The following NUGGC variants were observed in gnomAD, a reference collection of about 807,000 sequenced individuals.
NUGGC encodes the protein nuclear GTPase SLIP-GC.
A neutral mutation model predicts 92.6 loss-of-function variants in NUGGC; 58 were observed. The ratio of observed to expected loss-of-function variants is 0.63; its 90% confidence interval spans 0.51 to 0.78. The LOEUF (loss-of-function observed/expected upper bound fraction) is 0.78. Among genes scored for constraint, NUGGC ranks in the 30% least tolerant of loss-of-function variants. The pLI, the probability that NUGGC is intolerant of heterozygous loss-of-function variation, is 0.00. For missense variants in NUGGC, 925 were observed against 964.6 expected (o/e 0.96, Z 0.54); for synonymous variants, 376 against 366.4 (o/e 1.03, Z -0.30).
chr8:28,078,394 G>A (rs1221270337), intron 1 of NUGGC, among the ~76,000 whole-genome samples: 1 of 152,178 alleles, frequency 6.6e-6, no homozygotes, highest in Non-Finnish European at 1.5e-5. Flanking sequence ...AAACAAATGG[G>A]GGTAGTTTGG....
chr8:28,060,861 C>T (rs971185421), intron 7 of NUGGC, among the ~76,000 whole-genome samples: 2 of 152,194 alleles, frequency 1.3e-5, no homozygotes, highest in African/African-American at 2.4e-5. Context: ...TTGGGCTGGC[C>T]TCTGCATCCT....
At chr8:28,027,877 A>G (rs1340122892) in intron 17 of NUGGC, among the ~76,000 whole-genome samples, 2 of 152,214 alleles carry the variant, frequency 1.3e-5, no homozygotes, top group African/African-American at 4.8e-5. Flanking sequence ...CACATTATCG[A>G]TCAATATATC....
intron 3 of NUGGC, 170 bp downstream of exon 3, chr8:28,070,082 C>A (rs1205921121): frequency 2.0e-6 from 2 of 984,684 alleles, no homozygotes; most frequent in Admixed American, 1.2e-4. Context: ...TGCCTGGAGA[C>A]AAATTGCCTA....
At chr8:28,030,227 T>C in intron 16 of NUGGC, 83 bp downstream of exon 16, 1 of 765,140 alleles carries the variant, frequency 1.3e-6, no homozygotes, top group South Asian at 1.5e-5. Context: ...ACAGGGCCTT[T>C]GAGGGAGCCG....
At chr8:28,067,380 T>C in intron 6 of NUGGC, 134 bp downstream of exon 6, 1 of 654,868 alleles carries the variant, frequency 1.5e-6, no homozygotes, top group Non-Finnish European at 2.7e-6. Context: ...GGGCTACGGA[T>C]ACTTCTAATT....
intron 7 of NUGGC, among the ~76,000 whole-genome samples, chr8:28,064,056 T>C (rs1040869520): frequency 2.0e-5 from 3 of 152,174 alleles, no homozygotes; most frequent in Admixed American, 2.0e-4. Context: ...ACGGACCCCA[T>C]GCTCCTTCTC....
In NUGGC at chr8:28,047,521, G is replaced by T; in HGVS notation, c.1298C>A (p.Thr433Asn). ...ACATAAATTACCCGTTTCCTCCTCGGTGAGGAGAGCCTGCTGCCAGTACTC... is the reference window on the plus strand; with the variant it reads ...ACATAAATTACCCGTTTCCTCCTCGTTGAGGAGAGCCTGCTGCCAGTACTC... ...AQEYWQQALL[T>N]EEETEIPKLR... Residue 433 changes from threonine (T) to asparagine (N), a missense_variant, in exon 11 of 19, where the codon ACC becomes AAC. Coordinates refer to ENST00000413272, the MANE Select transcript of NUGGC (RefSeq NM_001010906.2). The T allele has an allele frequency of 3.2e-6, 5 of 1,551,162 alleles. No individual in the cohort carries two copies. The highest frequency in any genetic ancestry group is 4.4e-6 in the Non-Finnish European group (5 of 1,142,600).
At chr8:28,076,441 G>A (rs757866667) in intron 1 of NUGGC, among the ~76,000 whole-genome samples, 1 of 152,140 alleles carries the variant, frequency 6.6e-6, no homozygotes, top group South Asian at 2.1e-4. Flanking sequence ...TGGGATTACA[G>A]GCATTGCACC....
intron 14 of NUGGC, among the ~76,000 whole-genome samples, chr8:28,032,789 C>G (rs28452718): frequency 1.3e-5 from 2 of 150,598 alleles, no homozygotes; most frequent in African/African-American, 4.9e-5. Flanking sequence ...CAAGGAGGTA[C>G]AGTCCCCAAA....
At chr8:28,071,303 T>C (rs1362446206) in intron 2 of NUGGC, among the ~76,000 whole-genome samples, 2 of 152,128 alleles carry the variant, frequency 1.3e-5, no homozygotes, top group Non-Finnish European at 2.9e-5. Flanking sequence ...TGGGAGGTCT[T>C]TCCAGACTAG....
chr8:28,037,796 A>C (rs1167622258), intron 13 of NUGGC, among the ~76,000 whole-genome samples: 4 of 152,242 alleles, frequency 2.6e-5, no homozygotes, highest in Non-Finnish European at 5.9e-5. Flanking sequence ...GTTCCTCTAG[A>C]CCAGTGATTC....
chr8:28,037,040 A>C (rs549603444), intron 13 of NUGGC, among the ~76,000 whole-genome samples: 15 of 152,278 alleles, frequency 9.9e-5, no homozygotes, highest in African/African-American at 3.1e-4. Flanking sequence ...AACGCTGTAC[A>C]TACAGCTCGC....
chr8:28,068,258 G>A lies in NUGGC; in HGVS notation c.438C>T (p.Cys146=). 1 of 1,550,562 alleles carries A rather than the reference G, an allele frequency of 6.4e-7. No individual in the cohort carries two copies. The change falls in exon 5 of 19, where the codon TGC becomes TGT. Residue 146 remains cysteine (C), a synonymous_variant. Transcript: ENST00000413272. The part of the protein sequence containing the change: ...TSCIVQVSSG[C]CVQYEAKIHL... ...GGATTTTGGCCTCATACTGCACACA[G>A]CAGCCAGAGCTCACTTGTACAATGC...
At chr8:28,033,515 A>T (rs770729949) in intron 14 of NUGGC, 25 bp downstream of exon 14, 1 of 1,603,366 alleles carries the variant, frequency 6.2e-7, no homozygotes, top group African/African-American at 1.3e-5. Flanking sequence ...TTGTTCCCGA[A>T]GGTGCAAGAT....
At position 28,072,839 on chromosome 8, in the gene NUGGC, C is replaced by T. The variant is rs531447653; in HGVS notation, c.43+1529G>A. ...TCCATCGCTCAAGCCCTTCCTTGCC[C>T]TTTCCAGCATTCTCCACCGAGAAAC... On this transcript the variant is annotated intron_variant, in intron 2 of 18. Transcript: ENST00000413272. Among the ~76,000 whole-genome samples, 7 of 150,884 alleles carry T rather than the reference C, an allele frequency of 4.6e-5. No homozygotes were observed. The South Asian group carries it at 1.3e-3, about 28-fold the overall frequency.
In NUGGC at chr8:28,023,198, A is replaced by C; in HGVS notation, c.*119T>G. Reference sequence around the variant, plus strand: ...GGCTGCAGTGAGCTGTGATGGTGCCACTGCACTCCAGCCTGGGCAACAGAG... The same window carrying C: ...GGCTGCAGTGAGCTGTGATGGTGCCCCTGCACTCCAGCCTGGGCAACAGAG... On this transcript the variant is annotated 3_prime_UTR_variant, in exon 19 of 19. Transcript: ENST00000413272. 1 of 1,120,002 alleles carries C rather than the reference A, an allele frequency of 8.9e-7. No individual in the cohort carries two copies. The highest frequency in any genetic ancestry group is 1.2e-6 in the Non-Finnish European group (1 of 801,080). 69.4% of individuals were successfully genotyped at this position (1,120,002 alleles called of 1,614,324 possible). A position where few individuals can be genotyped will look rare whatever the true frequency, so the allele number is the denominator to read the frequency against.
At chr8:28,068,464 G>A (rs1384749482) in intron 4 of NUGGC, 26 bp from the exon 5 acceptor site, 2 of 1,443,922 alleles carry the variant, frequency 1.4e-6, no homozygotes, top group Non-Finnish European at 1.9e-6. Flanking sequence ...AATGCACATT[G>A]CCATGATCAT....
intron 2 of NUGGC, among the ~76,000 whole-genome samples, chr8:28,073,078 C>T (rs1471401221): frequency 1.3e-5 from 2 of 151,554 alleles, no homozygotes; most frequent in Non-Finnish European, 2.9e-5. Context: ...TCACGGCTCA[C>T]TGCAGCCTCA....
intron 1 of NUGGC, among the ~76,000 whole-genome samples, chr8:28,076,390 C>T (rs1301718299): frequency 6.6e-6 from 1 of 152,212 alleles, no homozygotes; most frequent in Non-Finnish European, 1.5e-5. Flanking sequence ...CCTCCACCTC[C>T]TGGGTTCAAG....
Sources: gnomAD v4.1 joint callset for allele counts (sites outside exome capture counted in the v4.1 genomes callset) on GRCh38, gnomAD v4.1.1 for gene constraint, MANE v1.5 for transcripts, NCBI Gene and HGNC (gene_info 2026-07-23, HGNC 2026-07-21) for gene names.